Variants in GRM6 observed in about 807,000 individuals in gnomAD.
GRM6 encodes the protein metabotropic glutamate receptor 6.
GRM6 carries 73 observed loss-of-function variants against 78.4 expected under a neutral mutation model. The observed-to-expected ratio is 0.93, with a 90% CI of 0.77 to 1.13. The LOEUF is 1.13. Ranked by LOEUF, GRM6 falls within the 50% of genes most tolerant of loss-of-function variation. GRM6 has a pLI of 0.00. For missense variants in GRM6, 1,251 were observed against 1,256.4 expected (o/e 1.00, Z 0.07); for synonymous variants, 580 against 555.0 (o/e 1.05, Z -0.63).
Position 178,993,831 on chromosome 5 carries a change from G to C in GRM6, c.504+610C>G, listed in dbSNP as rs573857840. On this transcript the variant is annotated intron_variant, in intron 2 of 10. Transcript: ENST00000517717. ...GGGCCAGCCCGGGCACCTGCGCAGG[G>C]CAGGGTGCAGGAGACCAGAGCTCAG... 1.2e-4 allele frequency among the ~76,000 whole-genome samples: 18 copies of C among 152,294 alleles called. No individual in the cohort carries two copies. In the South Asian group the frequency reaches 3.5e-3, roughly 30 times the overall value.
chr5:178,981,484 G>C lies in GRM6; in HGVS notation c.*173C>G, dbSNP rs1581890459. On this transcript the variant is annotated 3_prime_UTR_variant, in exon 11 of 11. Transcript: ENST00000517717. This position sits in a 1 kb window ranked among gnomAD's most constrained non-coding sequence, Gnocchi z 5.1. ...CATGAAGCTCACATGCTGGAATCGG[G>C]GTAGAGCTGGGTCCAGTTCCTTCTC... The C allele has an allele frequency of 1.7e-6, 1 of 602,426 alleles. No individual in the cohort carries two copies. The highest frequency in any genetic ancestry group is 2.0e-5 in the South Asian group (1 of 50,282). The allele number at this position is 602,426 out of a possible 1,614,324, so 37.3% of individuals were successfully genotyped here.
chr5:178,985,483 C>G (rs1300289367), intron 9 of GRM6: 3 of 341,524 alleles, frequency 8.8e-6, no homozygotes, highest in African/African-American at 4.4e-5. Flanking sequence ...GTGGGCGGAT[C>G]ACGAGGTCAG....
chr5:178,983,679 A>G, intron 9 of GRM6: 1 of 357,254 alleles, frequency 2.8e-6, no homozygotes, highest in South Asian at 2.1e-5. Flanking sequence ...CACAGGCAAG[A>G]GAAACAAAGG....
intron 7 of GRM6, chr5:178,987,579 AT>A (rs1040706916): frequency 3.5e-5 from 14 of 398,468 alleles, no homozygotes; most frequent in Admixed American, 2.4e-4. Flanking sequence ...ATACCGTCTG[AT>A]GCCACCACAG....
rs1554113566 is a variant in GRM6, at chr5:178,985,701, T to TCAA, written c.2124+428_2124+429insTTG. The TCAA allele has an allele frequency of 3.7e-4, 128 of 349,216 alleles. 1 individual carries two copies. Among genetic ancestry groups the TCAA allele is most frequent in the Admixed American group, 4.9e-4 (13 of 26,710 alleles). 21.6% of individuals were successfully genotyped at this position (349,216 alleles called of 1,614,324 possible). On this transcript the variant is annotated intron_variant, in intron 9 of 10. Transcript: ENST00000517717. ...CTGGGCGACACAGCGAGACTCTGTC[T>TCAA]AAAAAAAAAAAAACAAAACAACACA...
In GRM6 at chr5:178,991,348, G is replaced by A; in HGVS notation, c.857+76C>T. 7.5e-7 allele frequency: 1 copy of A among 1,341,200 alleles called. No individual in the cohort carries two copies. Among genetic ancestry groups the A allele is most frequent in the South Asian group, 1.2e-5 (1 of 85,646 alleles). 83.1% of individuals were successfully genotyped at this position (1,341,200 alleles called of 1,614,324 possible). On this transcript the variant is annotated intron_variant, in intron 4 of 10. Transcript: ENST00000517717. This position sits in a 1 kb window ranked among gnomAD's most constrained non-coding sequence, Gnocchi z 5.0. ...AAAGGGAGGCAGGGAGAGTGTGTAA[G>A]GTGGCGATGTGCAAGAGGAGGGGTG...
chr5:178,989,211 A>AGG, intron 6 of GRM6, 54 bp downstream of exon 6: 4 of 121,734 alleles, frequency 3.3e-5, no homozygotes, highest in Non-Finnish European at 5.3e-5. Flanking sequence ...CCCCCTCCCC[A>AGG]CCCTCACCAC....
chr5:178,987,126 G>T, intron 7 of GRM6, 143 bp from the exon 8 acceptor site: 1 of 828,822 alleles, frequency 1.2e-6, no homozygotes, highest in African/African-American at 1.7e-5. Context: ...AAGCCGCAGG[G>T]AGATCCCCCT....
chr5:178,989,176 T>A, intron 6 of GRM6, 41 bp from the exon 7 acceptor site: 1 of 1,600,398 alleles, frequency 6.2e-7, no homozygotes, highest in Non-Finnish European at 8.5e-7. Flanking sequence ...CCGGCCCCCA[T>A]GCACCGAACC....
In GRM6 at chr5:178,986,571, GT is replaced by G. The variant is rs1489861407; in HGVS notation, c.1682del (p.Asp561AlafsTer2). 1 of 1,607,538 alleles carries G rather than the reference GT, an allele frequency of 6.2e-7. No homozygotes were observed. On this transcript the variant is annotated frameshift_variant, in exon 9 of 11. Coordinates refer to ENST00000517717, the MANE Select transcript of GRM6 (RefSeq NM_000843.4). LOFTEE classifies it high-confidence loss of function. ...CCGTGTGGTTGGGCGTGGGCCTCAT[GT>G]CCCCAGGACAGGCCTCGCATGTGAA... is the stretch of plus-strand genomic sequence containing the variant. The part of the protein sequence containing the change: ...DEFTCEACPG[D>X]MRPTPNHTGC...
rs1215517287 is a variant in GRM6, at chr5:178,986,744, G to A, written c.1510C>T (p.Leu504=). The A allele has an allele frequency of 2.5e-6, 4 of 1,607,350 alleles. No individual in the cohort carries two copies. Among genetic ancestry groups the A allele is most frequent in the East Asian group, 2.2e-5 (1 of 44,810 alleles). ...TCGTGGGGGTCGCCAGACCACTGCA[G>A]GGCCTCCACCTGGGACGCACAAAAC... ...AETLRLDVEA[L]QWSGDPHEVP... The change falls in exon 9 of 11, where the codon CTG becomes TTG. Residue 504 remains leucine (L), a synonymous_variant. Coordinates refer to ENST00000517717, the MANE Select transcript of GRM6 (RefSeq NM_000843.4).
rs567822369 is a variant in GRM6 at position 178,980,075 on chromosome 5, A to C, written c.*1582T>G. 1 of 154,422 alleles carries C rather than the reference A, an allele frequency of 6.5e-6. No homozygotes were observed. The highest frequency in any genetic ancestry group is 1.5e-5 in the Non-Finnish European group (1 of 68,226). The allele number at this position is 154,422 out of a possible 1,614,324, so 9.6% of individuals were successfully genotyped here. A position where few individuals can be genotyped will look rare whatever the true frequency, so the allele number is the denominator to read the frequency against. On this transcript the variant is annotated 3_prime_UTR_variant, in exon 11 of 11. Coordinates refer to ENST00000517717, the MANE Select transcript of GRM6 (RefSeq NM_000843.4). The surrounding 1 kb of genome is among the most constrained non-coding windows in gnomAD (Gnocchi z 4.3). The stretch of plus-strand genomic sequence containing the variant: ...CAACAGAAATGTTTCTCAGAGGAGA[A>C]GCTTTTAAGTTAATTACTTAAAACC...
At chr5:178,994,395 A>G (rs1379598420) in intron 2 of GRM6, 46 bp downstream of exon 2, 2 of 1,455,784 alleles carry the variant, frequency 1.4e-6, no homozygotes, top group South Asian at 2.6e-5. Context: ...CAGGGCGAGG[A>G]CGGGAGAGGG....
chr5:178,988,341 GGTGA>G lies in GRM6; in HGVS notation c.1354+590_1354+593del, dbSNP rs772750832. On this transcript the variant is annotated intron_variant, in intron 7 of 10. Transcript: ENST00000517717. This position sits in a 1 kb window ranked among gnomAD's most constrained non-coding sequence, Gnocchi z 6.0. ...GCAGAGAGCATGGCGGAGAGAAGGT[GGTGA>G]GTGAGTGTTCAGTGGAAGAGCGGAG... is the stretch of plus-strand genomic sequence containing the variant. 8.5e-5 allele frequency among the ~76,000 whole-genome samples: 13 copies of G among 152,334 alleles called. No homozygotes were observed. Among genetic ancestry groups the G allele is most frequent in the Admixed American group, 6.5e-4 (10 of 15,310 alleles).
intron 9 of GRM6, chr5:178,985,675 C>A (rs575822010): frequency 7.5e-5 from 30 of 398,038 alleles, no homozygotes; most frequent in Middle Eastern, 4.1e-4. Flanking sequence ...TGCACTCCAG[C>A]CTGGGCGACA....
chr5:178,986,713 G>A lies in GRM6; in HGVS notation c.1541C>T (p.Pro514Leu). ...LQWSGDPHEV[P>L]SSLCSLPCGP... ...GCAGGGCAGGCTGCACAGAGACGAG[G>A]GCACCTCGTGGGGGTCGCCAGACCA... is the stretch of plus-strand genomic sequence containing the variant. The change falls in exon 9 of 11, where the codon CCC becomes CTC. Residue 514 changes from proline to leucine, a missense_variant. Physicochemically the swap from Pro to Leu is moderately conservative, Grantham distance 98. Transcript: ENST00000517717. The A allele has an allele frequency of 6.2e-7, 1 of 1,604,922 alleles. No homozygotes were observed.
At position 178,981,649 on chromosome 5, in the gene GRM6, C is replaced by A; in HGVS notation, c.*8G>T. The A allele has an allele frequency of 1.2e-6, 2 of 1,609,946 alleles. No homozygotes were observed. The highest frequency in any genetic ancestry group is 1.7e-6 in the Non-Finnish European group (2 of 1,176,192). On this transcript the variant is annotated 3_prime_UTR_variant, in exon 11 of 11. Transcript: ENST00000517717. This position sits in a 1 kb window ranked among gnomAD's most constrained non-coding sequence, Gnocchi z 5.1. ...AGGCAGCAAGCAGTCCCGTTCCCAC[C>A]TGCCCTGCTACTTGTGGGCCTCTGC...
At position 178,992,527 on chromosome 5, in the gene GRM6, C is replaced by G. The variant is rs906912941; in HGVS notation, c.505-444G>C. The G allele has an allele frequency of 3.7e-5, 12 of 326,738 alleles. No homozygotes were observed. Among genetic ancestry groups the G allele is most frequent in the Non-Finnish European group, 7.3e-5 (12 of 163,740 alleles). 20.2% of individuals were successfully genotyped at this position (326,738 alleles called of 1,614,324 possible). A position where few individuals can be genotyped will look rare whatever the true frequency, so the allele number is the denominator to read the frequency against. ...CAGGCAGCCCTAGGAGGGATTAGGG[C>G]AGACAGGGGAGCAGCAGGGGATGTT... is the stretch of plus-strand genomic sequence containing the variant. On this transcript the variant is annotated intron_variant, in intron 2 of 10. Coordinates refer to ENST00000517717, the MANE Select transcript of GRM6 (RefSeq NM_000843.4). This position sits in a 1 kb window ranked among gnomAD's most constrained non-coding sequence, Gnocchi z 4.9.
Position 178,989,140 on chromosome 5 carries a change from C to T in GRM6, c.1154-5G>A. 6.2e-7 allele frequency: 1 copy of T among 1,613,342 alleles called. No individual in the cohort carries two copies. The highest frequency in any genetic ancestry group is 8.5e-7 in the Non-Finnish European group (1 of 1,179,660). ...CCCGGCCGATGCGTTCCTCGCCTGT[C>T]CTAGGGATGCCCAGAGAAAGTGTGC... is the stretch of plus-strand genomic sequence containing the variant. On this transcript the variant is annotated splice_region_variant and splice_polypyrimidine_tract_variant and intron_variant, in intron 6 of 10. Coordinates refer to ENST00000517717, the MANE Select transcript of GRM6 (RefSeq NM_000843.4).
Sources: gnomAD v4.1 joint callset for allele counts (sites outside exome capture counted in the v4.1 genomes callset) on GRCh38, gnomAD v4.1.1 for gene constraint, Gnocchi (gnomAD v3.1) non-coding constraint, MANE v1.5 for transcripts, NCBI Gene and HGNC (gene_info 2026-07-23, HGNC 2026-07-21) for gene names.